SORCS2: variants seen among roughly 807,000 people sequenced by gnomAD.
SORCS2 encodes the protein VPS10 domain-containing receptor SorCS2.
A neutral mutation model predicts 141.6 loss-of-function variants in SORCS2; 100 were observed. That is an observed-to-expected ratio of 0.71 (90% CI 0.60 to 0.83). The LOEUF is 0.83. SORCS2 is among the 40% of genes least tolerant of loss of function. SORCS2 has a pLI of 0.00. For synonymous variants in SORCS2, 789 were observed against 676.9 expected, an observed-to-expected ratio of 1.17 and a Z score of -2.57; for missense variants, 1,646 against 1,560.2, an observed-to-expected ratio of 1.05 and a Z score of -0.93.
At chr4:7,434,647 A>G in intron 2 of SORCS2, 3 of 1,613,394 alleles carry the variant, frequency 1.9e-6, no homozygotes, top group Non-Finnish European at 1.7e-6. Flanking sequence ...GTCAGGGTTC[A>G]GCCCATTGCC....
At chr4:7,552,224 G>T (rs543882445) in intron 3 of SORCS2, among the ~76,000 whole-genome samples, 1 of 152,302 alleles carries the variant, frequency 6.6e-6, no homozygotes, top group African/African-American at 2.4e-5. Context: ...AGGTGGGGCA[G>T]GTATATTGCT....
chr4:7,244,341 A>G lies in SORCS2; in HGVS notation c.480+51215A>G, dbSNP rs558764926. Among the ~76,000 whole-genome samples the G allele has an allele frequency of 2.6e-5, 4 of 152,296 alleles. No individual in the cohort carries two copies. The South Asian group carries it at 8.3e-4, about 32-fold the overall frequency. ...ATCCCCAAAGTCATTCCGAAGATTC[A>G]TGGGTAAGGGCTTTCAGCGGCCTCC... On this transcript the variant is annotated intron_variant, in intron 1 of 26. Coordinates refer to ENST00000507866, the MANE Select transcript of SORCS2 (RefSeq NM_020777.3).
rs537099198 is a variant in SORCS2, at chr4:7,370,203, A to T, written c.481-26085A>T. 8.5e-4 allele frequency among the ~76,000 whole-genome samples: 129 copies of T among 152,268 alleles called. 1 individual carries two copies. Among genetic ancestry groups the T allele is most frequent in the African/African-American group, 3.0e-3 (123 of 41,566 alleles). On this transcript the variant is annotated intron_variant, in intron 1 of 26. Coordinates refer to ENST00000507866, the MANE Select transcript of SORCS2 (RefSeq NM_020777.3). Reference sequence around the variant, plus strand: ...TGTGCCCAGAGAGGGCATAACCACCAGGCTGGGCAAGGCGCTTGGGCTCCC... The same window carrying T: ...TGTGCCCAGAGAGGGCATAACCACCTGGCTGGGCAAGGCGCTTGGGCTCCC...
At chr4:7,609,421 C>T (rs1448717779) in intron 3 of SORCS2, among the ~76,000 whole-genome samples, 2 of 152,196 alleles carry the variant, frequency 1.3e-5, no homozygotes, top group Non-Finnish European at 2.9e-5. Flanking sequence ...TCTATACAGC[C>T]CACCCGGCCA....
chr4:7,366,190 G>C (rs1468410822), intron 1 of SORCS2, among the ~76,000 whole-genome samples: 10 of 152,076 alleles, frequency 6.6e-5, no homozygotes, highest in Admixed American at 6.5e-4. Context: ...TGAGGAAGGA[G>C]AGGCTGGGAT....
chr4:7,219,947 C>T (rs963698385), intron 1 of SORCS2, among the ~76,000 whole-genome samples: 8 of 152,194 alleles, frequency 5.3e-5, no homozygotes, highest in Non-Finnish European at 8.8e-5. Flanking sequence ...GACTCCATGT[C>T]GTTGTGAAAA....
At chr4:7,331,820 G>A (rs948189689) in intron 1 of SORCS2, among the ~76,000 whole-genome samples, 7 of 152,186 alleles carry the variant, frequency 4.6e-5, no homozygotes, top group African/African-American at 1.7e-4. Context: ...CTGGACCCCT[G>A]CTGGGAGGAT....
At chr4:7,248,186 C>T (rs931680562) in intron 1 of SORCS2, among the ~76,000 whole-genome samples, 2 of 152,204 alleles carry the variant, frequency 1.3e-5, no homozygotes, top group African/African-American at 4.8e-5. Flanking sequence ...AGGCTGCTCT[C>T]GGGAAAGCTG....
chr4:7,631,283 G>A (rs1719875561), intron 3 of SORCS2, among the ~76,000 whole-genome samples: 1 of 151,390 alleles, frequency 6.6e-6, no homozygotes, highest in Non-Finnish European at 1.5e-5. Context: ...GCAGGTCCAA[G>A]CAGGAGACCA....
intron 1 of SORCS2, among the ~76,000 whole-genome samples, chr4:7,223,806 G>A (rs1370028025): frequency 1.3e-5 from 2 of 152,122 alleles, no homozygotes; most frequent in Non-Finnish European, 2.9e-5. Context: ...CCTGTCGCCT[G>A]TGCAGTTATC....
chr4:7,327,326 T>G lies in SORCS2; in HGVS notation c.481-68962T>G, dbSNP rs1577403256. On this transcript the variant is annotated intron_variant, in intron 1 of 26. Coordinates refer to ENST00000507866, the MANE Select transcript of SORCS2 (RefSeq NM_020777.3). ...GGCTCCTGGCGAGGCTCTGTGCTCC[T>G]CGGCTTGCACCACATCCCTCCGTCT... Among the ~76,000 whole-genome samples, 3 of 152,340 alleles carry G rather than the reference T, an allele frequency of 2.0e-5. No homozygotes were observed. The Middle Eastern group carries it at 0.01, about 518-fold the overall frequency.
At chr4:7,521,954 C>T (rs778781459) in intron 2 of SORCS2, among the ~76,000 whole-genome samples, 8 of 152,328 alleles carry the variant, frequency 5.3e-5, no homozygotes, top group African/African-American at 1.2e-4. Flanking sequence ...TGGAGCACAC[C>T]GGCTTCCCTT....
intron 3 of SORCS2, among the ~76,000 whole-genome samples, chr4:7,601,672 TTTG>T (rs200873449): frequency 2.7e-5 from 3 of 113,092 alleles, no homozygotes; most frequent in Admixed American, 9.1e-5. Flanking sequence ...TGTTTGTTTG[TTTG>T]TTTTTTTAGT....
chr4:7,503,139 G>A (rs902046497), intron 2 of SORCS2, among the ~76,000 whole-genome samples: 1 of 152,158 alleles, frequency 6.6e-6, no homozygotes, highest in Non-Finnish European at 1.5e-5. Flanking sequence ...ATATCCATCT[G>A]TATGTGTATA....
intron 3 of SORCS2, among the ~76,000 whole-genome samples, chr4:7,634,939 C>T (rs1720146366): frequency 6.6e-6 from 1 of 152,218 alleles, no homozygotes; most frequent in African/African-American, 2.4e-5. Context: ...CGTGCCTGGC[C>T]AGCCCTCAGA....
intron 10 of SORCS2, among the ~76,000 whole-genome samples, chr4:7,683,496 C>T (rs1328126992): frequency 6.6e-6 from 1 of 152,232 alleles, no homozygotes; most frequent in Non-Finnish European, 1.5e-5. Context: ...ATCTTGCATC[C>T]TTCTCCTGGA....
chr4:7,308,176 C>T (rs1253101688), intron 1 of SORCS2, among the ~76,000 whole-genome samples: 1 of 152,166 alleles, frequency 6.6e-6, no homozygotes, highest in Non-Finnish European at 1.5e-5. Context: ...TTTCTTGACT[C>T]CACCCCAGGC....
At position 7,633,741 on chromosome 4, in the gene SORCS2, C is replaced by A. The variant is rs77783449; in HGVS notation, c.649-4587C>A. On this transcript the variant is annotated intron_variant, in intron 3 of 26. Coordinates refer to ENST00000507866, the MANE Select transcript of SORCS2 (RefSeq NM_020777.3). ...AAACAAACAATTCCCTTAGGAGTCG[C>A]AGACTGAGATGGCATTGTTCATTCA... Among the ~76,000 whole-genome samples the A allele has an allele frequency of 2.2e-3, 333 of 152,250 alleles. 1 individual carries two copies. Among genetic ancestry groups the A allele is most frequent in the African/African-American group, 7.8e-3 (322 of 41,514 alleles).
intron 8 of SORCS2, among the ~76,000 whole-genome samples, chr4:7,671,028 A>T (rs1326211927): frequency 6.6e-6 from 1 of 152,230 alleles, no homozygotes; most frequent in African/African-American, 2.4e-5. Flanking sequence ...GGAGCCAGAC[A>T]TTCAAAAGCA....
Sources: allele counts gnomAD v4.1 joint callset (sites outside exome capture counted in the v4.1 genomes callset), GRCh38; gene constraint gnomAD v4.1.1; transcripts MANE v1.5; gene names NCBI Gene and HGNC (gene_info 2026-07-23, HGNC 2026-07-21).